Variants in PCSK5 observed in about 807,000 individuals in gnomAD.
PCSK5 encodes the protein proprotein convertase subtilisin/kexin type 5.
Under a neutral mutation model 233.2 loss-of-function variants are expected in PCSK5, and 129 were observed. The ratio of observed to expected loss-of-function variants is 0.55; its 90% CI spans 0.48 to 0.64. PCSK5 has a LOEUF of 0.64. PCSK5 is among the 30% of genes least tolerant of loss of function. The pLI is 0.00. For synonymous variants in PCSK5, 825 were observed against 879.2 expected (o/e 0.94, Z 1.09); for missense variants, 2,076 against 2,430.1 (o/e 0.85, Z 3.06).
rs564578068 is a variant in PCSK5 at position 76,202,122 on chromosome 9, C to A, written c.2626+12376C>A. Among the ~76,000 whole-genome samples the A allele has an allele frequency of 5.9e-5, 9 of 152,258 alleles. No homozygotes were observed. The South Asian group carries it at 1.7e-3, about 28-fold the overall frequency. ...TTGTTCTATGTTATCAGAAGAGCCA[C>A]AAATATGGCAGAAACCGGAAGTCAT... On this transcript the variant is annotated intron_variant, in intron 20 of 37. Transcript: ENST00000674117.
At position 75,920,696 on chromosome 9, in the gene PCSK5, C is replaced by T. The variant is rs544301052; in HGVS notation, c.193-11683C>T. The stretch of plus-strand genomic sequence containing the variant: ...TGGCACACACCTGTAATCCCAGTTA[C>T]TCTGGAGGCTGAGGCACAAGAATCA... On this transcript the variant is annotated intron_variant, in intron 1 of 37. Transcript: ENST00000674117. 5.9e-5 allele frequency among the ~76,000 whole-genome samples: 9 copies of T among 152,180 alleles called. No homozygotes were observed. In the East Asian group the frequency reaches 1.6e-3, roughly 26 times the overall value.
intron 2 of PCSK5, among the ~76,000 whole-genome samples, chr9:75,970,472 C>G (rs1825770641): frequency 2.0e-5 from 3 of 152,312 alleles, no homozygotes; most frequent in South Asian, 4.1e-4. Flanking sequence ...TCAGACAGTT[C>G]TCCTGTCATT....
intron 24 of PCSK5, among the ~76,000 whole-genome samples, chr9:76,266,373 A>T (rs1350097737): frequency 2.0e-5 from 3 of 152,204 alleles, no homozygotes; most frequent in Non-Finnish European, 4.4e-5. Context: ...AATTGGCAAT[A>T]ATGGGCCAAA....
chr9:75,941,694 G>T (rs1824312144), intron 2 of PCSK5, among the ~76,000 whole-genome samples: 1 of 152,254 alleles, frequency 6.6e-6, no homozygotes, highest in African/African-American at 2.4e-5. Flanking sequence ...TACACTCTTG[G>T]GAGAAGCCTT....
At chr9:75,986,001 G>T in intron 2 of PCSK5, 131 bp from the exon 3 acceptor site, 1 of 617,282 alleles carries the variant, frequency 1.6e-6, no homozygotes, top group South Asian at 2.0e-5. Flanking sequence ...TAGACTCAGA[G>T]ATTTTAGTAG....
intron 5 of PCSK5, among the ~76,000 whole-genome samples, chr9:76,054,934 T>C (rs935252902): frequency 1.3e-5 from 2 of 152,210 alleles, no homozygotes; most frequent in Non-Finnish European, 2.9e-5. Flanking sequence ...ACATTTGATA[T>C]ATCTAATGCT....
chr9:76,283,368 C>G (rs905182862), intron 24 of PCSK5, among the ~76,000 whole-genome samples: 8 of 152,156 alleles, frequency 5.3e-5, no homozygotes, highest in Non-Finnish European at 8.8e-5. Flanking sequence ...AAACCACCAC[C>G]CTGATCAGTC....
chr9:76,080,509 C>A (rs1243639013), intron 7 of PCSK5, among the ~76,000 whole-genome samples: 1 of 152,108 alleles, frequency 6.6e-6, no homozygotes, highest in Non-Finnish European at 1.5e-5. Context: ...GACTTCCATG[C>A]CAATTTGATG....
chr9:76,269,143 C>T (rs760149848), intron 24 of PCSK5, among the ~76,000 whole-genome samples: 5 of 152,208 alleles, frequency 3.3e-5, no homozygotes, highest in African/African-American at 4.8e-5. Context: ...ATGCAGAACT[C>T]GAGGTAATTC....
chr9:76,060,022 C>G lies in PCSK5; in HGVS notation c.633-7933C>G, dbSNP rs113023815. Among the ~76,000 whole-genome samples, 300 of 152,204 alleles carry G rather than the reference C, an allele frequency of 2.0e-3. 1 individual carries two copies. The highest frequency in any genetic ancestry group is 6.8e-3 in the African/African-American group (284 of 41,536). On this transcript the variant is annotated intron_variant, in intron 5 of 37. Transcript: ENST00000674117. The stretch of plus-strand genomic sequence containing the variant: ...ACTTTCAAGAGCCAAAAGACTTTCT[C>G]AAAGGTCTTTTCACATTTGTAGAAT...
rs570959860 is a variant in PCSK5 at position 76,069,671 on chromosome 9, A to G, written c.721+1628A>G. ...CATCACCCTCTAAGTATGATTTACA[A>G]GCATTTTTTCATGCATGACATAGAA... On this transcript the variant is annotated intron_variant, in intron 6 of 37. Coordinates refer to ENST00000674117, the MANE Select transcript of PCSK5 (RefSeq NM_001372043.1). 4.8e-3 allele frequency among the ~76,000 whole-genome samples: 727 copies of G among 152,290 alleles called. 9 individuals carry two copies. Among genetic ancestry groups the G allele is most frequent in the African/African-American group, 0.017 (697 of 41,552 alleles).
intron 7 of PCSK5, among the ~76,000 whole-genome samples, chr9:76,092,026 C>T (rs796923199): frequency 1.6e-4 from 25 of 152,200 alleles, no homozygotes; most frequent in African/African-American, 5.8e-4. Flanking sequence ...TGCCATTGCT[C>T]CTTCTTAGTG....
intron 9 of PCSK5, among the ~76,000 whole-genome samples, chr9:76,129,001 A>G (rs1231332923): frequency 1.3e-5 from 2 of 152,176 alleles, no homozygotes. Context: ...CGGGCTCTTC[A>G]TTACCTAACA....
At chr9:76,350,721 T>C in intron 35 of PCSK5, 107 bp from the exon 36 acceptor site, 1 of 734,780 alleles carries the variant, frequency 1.4e-6, no homozygotes, top group East Asian at 2.6e-5. Flanking sequence ...AATTCACCCT[T>C]CTGCTTCAAT....
At chr9:76,111,670 T>C (rs1488589448) in intron 9 of PCSK5, among the ~76,000 whole-genome samples, 4 of 152,138 alleles carry the variant, frequency 2.6e-5, no homozygotes, top group African/African-American at 9.7e-5. Context: ...ATTTGGGCGA[T>C]TGCTGCTTAA....
At chr9:76,307,380 T>A (rs1445758194) in intron 28 of PCSK5, among the ~76,000 whole-genome samples, 3 of 152,314 alleles carry the variant, frequency 2.0e-5, no homozygotes, top group African/African-American at 7.2e-5. Context: ...TCAGGGTCAT[T>A]GAAATCCCAC....
At position 76,358,578 on chromosome 9, in the gene PCSK5, A is replaced by G. The variant is rs146929307; in HGVS notation, c.5320A>G (p.Ile1774Val). Residue 1774 changes from isoleucine (I) to valine (V), a missense_variant, in exon 38 of 38, where the codon ATC becomes GTC. Ile to Val is a conservative substitution (Grantham distance 29, BLOSUM62 3). This residue lies in a region of PCSK5 where 1,510 missense variants were observed against 1,538.1 expected (regional missense o/e 0.98). Coordinates refer to ENST00000674117, the MANE Select transcript of PCSK5 (RefSeq NM_001372043.1). ...ATEHFKTALFITSSMMLVLLL... is the reference protein window; with the variant it reads ...ATEHFKTALFVTSSMMLVLLL... The stretch of plus-strand genomic sequence containing the variant: ...TGAGCATTTCAAGACAGCTCTGTTC[A>G]TCACCTCCTCCATGATGCTGGTGCT... 15 of 1,612,742 alleles carry G rather than the reference A, an allele frequency of 9.3e-6. No homozygotes were observed. Among genetic ancestry groups the G allele is most frequent in the Non-Finnish European group, 1.1e-5 (13 of 1,179,844 alleles).
intron 24 of PCSK5, among the ~76,000 whole-genome samples, chr9:76,252,199 C>T (rs1170826693): frequency 6.6e-6 from 1 of 152,100 alleles, no homozygotes; most frequent in Non-Finnish European, 1.5e-5. Context: ...ACCTGGGAGG[C>T]GGAGCTTGCA....
intron 5 of PCSK5, among the ~76,000 whole-genome samples, chr9:76,040,385 G>GTCTCTCTCTC (rs5898445): frequency 2.5e-5 from 2 of 80,620 alleles, no homozygotes; most frequent in Non-Finnish European, 5.2e-5. Context: ...CTCTCTCTCT[G>GTCTCTCTCTC]TCTCTCTCTC....
Sources: allele counts gnomAD v4.1 joint callset (sites outside exome capture counted in the v4.1 genomes callset), GRCh38; gene constraint gnomAD v4.1.1; regional missense constraint gnomAD v4.1.1; transcripts MANE v1.5; gene names NCBI Gene and HGNC (gene_info 2026-07-23, HGNC 2026-07-21).